Variants in ASB4 observed in about 807,000 individuals in gnomAD.
ASB4 encodes the protein ankyrin repeat and SOCS box protein 4.
A neutral mutation model predicts 38.6 loss-of-function variants in ASB4; 35 were observed. The ratio of observed to expected loss-of-function variants is 0.91; its 90% CI spans 0.69 to 1.20. The LOEUF is 1.20. Among genes scored for constraint, ASB4 ranks in the 50% most tolerant of loss-of-function variants. The probability of loss-of-function intolerance (pLI) is 0.00; values close to 1 mark genes in which losing one functional copy is unlikely to be tolerated. For synonymous variants in ASB4, 195 were observed against 201.3 expected (o/e 0.97, Z 0.26); for missense variants, 557 against 527.2 (o/e 1.06, Z -0.55).
intron 2 of ASB4, among the ~76,000 whole-genome samples, chr7:95,519,153 G>C (rs1006181657): frequency 3.9e-5 from 6 of 152,112 alleles, no homozygotes; most frequent in African/African-American, 1.4e-4. Context: ...GAATATATTT[G>C]CCATAGAATG....
the ASB4 span, among the ~76,000 whole-genome samples, chr7:95,549,436 A>G: frequency 1.3e-5 from 2 of 151,734 alleles, no homozygotes; most frequent in South Asian, 2.1e-4. Context: ...AGCTGGGACT[A>G]CAGGTGCCCG....
intron 1 of ASB4, among the ~76,000 whole-genome samples, chr7:95,495,304 T>C (rs542056422): frequency 2.0e-5 from 3 of 152,274 alleles, no homozygotes; most frequent in Non-Finnish European, 4.4e-5. Flanking sequence ...AGATTTTGGA[T>C]AGAATAAAAA....
chr7:95,530,640 G>GAAGAT (rs1326740134), intron 3 of ASB4, among the ~76,000 whole-genome samples: 2 of 152,092 alleles, frequency 1.3e-5, no homozygotes, highest in Non-Finnish European at 2.9e-5. Flanking sequence ...TGAGCAAGGG[G>GAAGAT]AAGATAAATC....
intron 2 of ASB4, among the ~76,000 whole-genome samples, chr7:95,510,320 A>G (rs1331126855): frequency 6.6e-6 from 1 of 152,218 alleles, no homozygotes; most frequent in Non-Finnish European, 1.5e-5. Flanking sequence ...CCTTTTAAGT[A>G]TCATGCCTTT....
intron 2 of ASB4, among the ~76,000 whole-genome samples, chr7:95,526,366 A>G (rs1172833965): frequency 6.6e-6 from 1 of 152,198 alleles, no homozygotes; most frequent in Middle Eastern, 3.2e-3. Context: ...CCCCCAGCAC[A>G]ACTCTATAAA....
rs755007826 is a variant in ASB4 at position 95,537,761 on chromosome 7, C to G, written c.*2C>G. 3.5e-5 allele frequency: 57 copies of G among 1,611,400 alleles called. No homozygotes were observed. The highest frequency in any genetic ancestry group is 1.7e-4 in the Middle Eastern group (1 of 6,056). On this transcript the variant is annotated 3_prime_UTR_variant, in exon 5 of 5. Transcript: ENST00000325885. Reference sequence around the variant, plus strand: ...GAGCCAGAGGGAATTATTTATTAAGCCTTATGAGACAGCAGTTCCCAATCC... The same window carrying G: ...GAGCCAGAGGGAATTATTTATTAAGGCTTATGAGACAGCAGTTCCCAATCC...
At chr7:95,497,926 C>A (rs1238071933) in intron 2 of ASB4, among the ~76,000 whole-genome samples, 1 of 152,158 alleles carries the variant, frequency 6.6e-6, no homozygotes, top group Non-Finnish European at 1.5e-5. Flanking sequence ...ATCTACCCCC[C>A]AGTAGAGGGA....
chr7:95,502,322 C>T (rs539634550), intron 2 of ASB4, among the ~76,000 whole-genome samples: 1 of 150,436 alleles, frequency 6.6e-6, no homozygotes, highest in South Asian at 2.1e-4. Context: ...AAAGATAATA[C>T]ATATATGACA....
upstream of ASB4, among the ~76,000 whole-genome samples, chr7:95,476,105 C>T (rs925628151): frequency 2.0e-5 from 3 of 152,194 alleles, no homozygotes; most frequent in African/African-American, 7.2e-5. Flanking sequence ...AGATTCTGGT[C>T]TGCCTTATTG....
intron 2 of ASB4, among the ~76,000 whole-genome samples, chr7:95,497,551 T>G (rs940550126): frequency 6.6e-6 from 1 of 152,176 alleles, no homozygotes; most frequent in Non-Finnish European, 1.5e-5. Context: ...ATCCATTTTT[T>G]AAAAAGTCAG....
At chr7:95,488,442 T>G (rs1383552170) in intron 1 of ASB4, among the ~76,000 whole-genome samples, 1 of 152,194 alleles carries the variant, frequency 6.6e-6, no homozygotes, top group Non-Finnish European at 1.5e-5. Flanking sequence ...GGAATGGAAA[T>G]GACAAATAGA....
At chr7:95,549,382 C>T in the ASB4 span, among the ~76,000 whole-genome samples, 6 of 146,858 alleles carry the variant, frequency 4.1e-5, no homozygotes, top group African/African-American at 1.3e-4. Flanking sequence ...CTGCAAGCTC[C>T]GCCTCCCGGG....
At chr7:95,546,348 C>A in the ASB4 span, among the ~76,000 whole-genome samples, 1 of 152,258 alleles carries the variant, frequency 6.6e-6, no homozygotes, top group Admixed American at 6.5e-5. Flanking sequence ...TAGACATGGG[C>A]CGCATCTAAA....
intron 2 of ASB4, among the ~76,000 whole-genome samples, chr7:95,498,545 T>C (rs1237692495): frequency 6.6e-6 from 1 of 152,234 alleles, no homozygotes; most frequent in Admixed American, 6.5e-5. Flanking sequence ...ATGGGTTGCC[T>C]GTATTCTTAT....
intron 2 of ASB4, among the ~76,000 whole-genome samples, chr7:95,504,219 A>G (rs1481608342): frequency 6.6e-6 from 1 of 152,174 alleles, no homozygotes; most frequent in African/African-American, 2.4e-5. Flanking sequence ...TAGGAGGAAA[A>G]TTTGTTACTG....
intron 2 of ASB4, among the ~76,000 whole-genome samples, chr7:95,516,658 AAAG>A (rs1219879046): frequency 6.6e-6 from 1 of 152,236 alleles, no homozygotes; most frequent in Non-Finnish European, 1.5e-5. Context: ...AGTAGCTGTT[AAAG>A]AAGAAGAAAC....
chr7:95,502,811 T>C (rs561824389), intron 2 of ASB4, among the ~76,000 whole-genome samples: 2 of 152,326 alleles, frequency 1.3e-5, no homozygotes, highest in East Asian at 3.9e-4. Flanking sequence ...AATATATAGA[T>C]AGGCACTTTT....
chr7:95,534,774 G>C (rs1178011251), intron 3 of ASB4, among the ~76,000 whole-genome samples: 2 of 152,078 alleles, frequency 1.3e-5, no homozygotes, highest in East Asian at 3.8e-4. Flanking sequence ...ACTGCTTAAA[G>C]ACAAAAAACA....
intron 1 of ASB4, among the ~76,000 whole-genome samples, chr7:95,480,183 G>A (rs1790011189): frequency 1.3e-5 from 2 of 152,154 alleles, no homozygotes; most frequent in African/African-American, 4.8e-5. Flanking sequence ...TGCAATCCTA[G>A]ACCTTACCCA....
Sources: allele counts gnomAD v4.1 joint callset (sites outside exome capture counted in the v4.1 genomes callset), GRCh38; gene constraint gnomAD v4.1.1; transcripts MANE v1.5; gene names NCBI Gene and HGNC (gene_info 2026-07-23, HGNC 2026-07-21).